RBFOX1: variants seen among roughly 807,000 people sequenced by gnomAD.
RBFOX1 encodes the protein RNA binding fox-1 homolog 1.
RBFOX1 carries 8 observed loss-of-function variants against 57.7 expected under a neutral mutation model. The ratio of observed to expected loss-of-function variants is 0.14; its 90% CI spans 0.08 to 0.25. The LOEUF is 0.25. Among genes scored for constraint, RBFOX1 ranks in the 10% least tolerant of loss-of-function variants. The pLI is 1.00. For synonymous variants in RBFOX1, 326 were observed against 222.4 expected, an observed-to-expected ratio of 1.47 and a Z score of -4.15; for missense variants, 611 against 548.5, an observed-to-expected ratio of 1.11 and a Z score of -1.14.
At chr16:7,424,940 A>G (rs551754851) in intron 4 of RBFOX1, among the ~76,000 whole-genome samples, 1 of 152,196 alleles carries the variant, frequency 6.6e-6, no homozygotes, top group Non-Finnish European at 1.5e-5. Flanking sequence ...AGGTGATAAG[A>G]TACTTGGGAG....
At chr16:6,098,083 T>C (rs1441030946) in intron 1 of RBFOX1, among the ~76,000 whole-genome samples, 5 of 152,182 alleles carry the variant, frequency 3.3e-5, no homozygotes, top group African/African-American at 9.6e-5. Context: ...AGTGTGCATG[T>C]ACTTGAGAGG....
intron 3 of RBFOX1, among the ~76,000 whole-genome samples, chr16:5,736,578 C>T (rs761745371): frequency 4.6e-5 from 7 of 152,122 alleles, no homozygotes; most frequent in Non-Finnish European, 8.8e-5. Context: ...TTTGAAAGCC[C>T]TGTGAAGAGT....
chr16:5,941,495 A>G (rs1011255233), intron 4 of RBFOX1, among the ~76,000 whole-genome samples: 2 of 149,624 alleles, frequency 1.3e-5, no homozygotes, highest in Non-Finnish European at 3.0e-5. Flanking sequence ...ATCTCAAGGA[A>G]AAAAAAAAAG....
rs142695275 is a variant in RBFOX1, at chr16:6,344,867, T to C, written c.-64+27810T>C. Reference sequence around the variant, plus strand: ...CACCATGCTCCACTAATTTTTCTATTTTTAGTAGACACGAGGTTTCACCAG... The same window carrying C: ...CACCATGCTCCACTAATTTTTCTATCTTTAGTAGACACGAGGTTTCACCAG... On this transcript the variant is annotated intron_variant, in intron 2 of 15. Coordinates refer to ENST00000550418, the MANE Select transcript of RBFOX1 (RefSeq NM_018723.4). Among the ~76,000 whole-genome samples, 247 of 151,336 alleles carry C rather than the reference T, an allele frequency of 1.6e-3. 4 individuals are homozygous for C. Among genetic ancestry groups the C allele is most frequent in the African/African-American group, 5.7e-3 (235 of 41,156 alleles).
chr16:6,637,161 T>A (rs1192539058), intron 2 of RBFOX1, among the ~76,000 whole-genome samples: 2 of 80,018 alleles, frequency 2.5e-5, no homozygotes, highest in Non-Finnish European at 4.2e-5. Flanking sequence ...CAATATATAT[T>A]ATATATTATA....
chr16:5,364,534 A>T (rs2065650824), intron 1 of RBFOX1, among the ~76,000 whole-genome samples: 1 of 152,186 alleles, frequency 6.6e-6, no homozygotes, highest in Non-Finnish European at 1.5e-5. Context: ...ACGTCCTTCT[A>T]TGTTTGTAGA....
At chr16:5,641,229 A>C (rs529105811) in intron 3 of RBFOX1, among the ~76,000 whole-genome samples, 36 of 152,364 alleles carry the variant, frequency 2.4e-4, no homozygotes, top group African/African-American at 8.4e-4. Flanking sequence ...ATGCATGCAC[A>C]TACACACATG....
At chr16:6,327,868 G>T (rs1444735465) in intron 2 of RBFOX1, among the ~76,000 whole-genome samples, 1 of 152,102 alleles carries the variant, frequency 6.6e-6, no homozygotes, top group East Asian at 1.9e-4. Flanking sequence ...AATCCCGTGG[G>T]TTACTGTTCT....
Position 7,109,006 on chromosome 16 carries a change from A to T in RBFOX1, c.27+56908A>T, listed in dbSNP as rs568480812. On this transcript the variant is annotated intron_variant, in intron 4 of 15. Coordinates refer to ENST00000550418, the MANE Select transcript of RBFOX1 (RefSeq NM_018723.4). ...TGGTAGGTTTGCATTTGTCAATGGG[A>T]TGGAAAAGAGGGCAGTATACGTGCA... Among the ~76,000 whole-genome samples the T allele has an allele frequency of 5.6e-4, 86 of 152,298 alleles. 2 individuals are homozygous for T. In the South Asian group the frequency reaches 0.017, roughly 30 times the overall value.
rs80045754 is a variant in RBFOX1 at position 6,139,469 on chromosome 16, A to G, written c.-127+119477A>G. Among the ~76,000 whole-genome samples the G allele has an allele frequency of 4.3e-4, 66 of 152,288 alleles. No individual in the cohort carries two copies. In the East Asian group the frequency reaches 0.013, roughly 29 times the overall value. The stretch of plus-strand genomic sequence containing the variant: ...ATCTCTTACAACCTGCCCATTCAGC[A>G]CAGTTCAGCCTGAAGAGAGTCATGT... On this transcript the variant is annotated intron_variant, in intron 1 of 15. Coordinates refer to ENST00000550418, the MANE Select transcript of RBFOX1 (RefSeq NM_018723.4).
intron 4 of RBFOX1, among the ~76,000 whole-genome samples, chr16:7,287,864 T>C (rs939143424): frequency 6.6e-6 from 1 of 152,168 alleles, no homozygotes; most frequent in Non-Finnish European, 1.5e-5. Context: ...CCCCACCCAT[T>C]TCGTGTGCAT....
chr16:5,693,776 C>G (rs75781069), intron 3 of RBFOX1, among the ~76,000 whole-genome samples: 1 of 152,158 alleles, frequency 6.6e-6, no homozygotes, highest in African/African-American at 2.4e-5. Flanking sequence ...CGTGGAATTC[C>G]TTCCTCTCCC....
At chr16:6,898,898 CTCGTA>C (rs544434349) in intron 3 of RBFOX1, among the ~76,000 whole-genome samples, 2,788 of 102,842 alleles carry the variant, frequency 0.027, 75 homozygotes, top group African/African-American at 0.12. Flanking sequence ...GTGTGTGCAT[CTCGTA>C]TGTGTTTGTG....
intron 2 of RBFOX1, among the ~76,000 whole-genome samples, chr16:6,493,434 C>T: frequency 6.6e-6 from 1 of 152,086 alleles, no homozygotes; most frequent in East Asian, 1.9e-4. Context: ...CCTTATCCTC[C>T]CAGCTGTGTG....
chr16:6,584,518 C>T (rs2097579768), intron 2 of RBFOX1, among the ~76,000 whole-genome samples: 1 of 151,890 alleles, frequency 6.6e-6, no homozygotes. Context: ...CTGCCCTTCC[C>T]CACCACACCC....
intron 4 of RBFOX1, among the ~76,000 whole-genome samples, chr16:7,258,121 G>A (rs140485588): frequency 3.2e-4 from 48 of 152,272 alleles, no homozygotes; most frequent in Admixed American, 7.8e-4. Context: ...ATAATTCACT[G>A]CTTCCAGAGG....
chr16:7,466,351 C>G (rs1019575085), intron 4 of RBFOX1, among the ~76,000 whole-genome samples: 12 of 151,586 alleles, frequency 7.9e-5, no homozygotes, highest in African/African-American at 2.4e-4. Context: ...TTATTTCATG[C>G]CAAGCTAGCG....
chr16:5,879,371 G>C (rs183066097), intron 4 of RBFOX1, among the ~76,000 whole-genome samples: 7 of 152,298 alleles, frequency 4.6e-5, no homozygotes, highest in African/African-American at 1.7e-4. Flanking sequence ...TCATGTCCTA[G>C]AGAAAAGTGC....
chr16:6,960,718 C>T (rs1344374167), intron 3 of RBFOX1, among the ~76,000 whole-genome samples: 4 of 152,070 alleles, frequency 2.6e-5, no homozygotes, highest in Non-Finnish European at 5.9e-5. Flanking sequence ...TCTGTACTGT[C>T]TCTACCTGTC....
Sources: allele counts gnomAD v4.1 joint callset (sites outside exome capture counted in the v4.1 genomes callset), GRCh38; gene constraint gnomAD v4.1.1; transcripts MANE v1.5; gene names NCBI Gene and HGNC (gene_info 2026-07-23, HGNC 2026-07-21).